The following NCOA2 variants were observed in gnomAD, a reference collection of about 807,000 sequenced individuals.
NCOA2 encodes nuclear receptor coactivator 2, also known as class E basic helix-loop-helix protein 75.
NCOA2 carries 21 observed loss-of-function variants against 145.1 expected under a neutral mutation model. That is an observed-to-expected ratio of 0.14 (90% confidence interval 0.10 to 0.21). The LOEUF (loss-of-function observed/expected upper bound fraction) is 0.21, where lower values mean the gene tolerates loss of function less well. Ranked by LOEUF, NCOA2 falls within the 10% of genes least tolerant of loss-of-function variation. NCOA2 has a pLI of 1.00. For synonymous variants in NCOA2, 619 were observed against 637.5 expected (o/e 0.97, Z 0.44); for missense variants, 1,472 against 1,837.6 (o/e 0.80, Z 3.64).
chr8:70,447,605 G>GTTGATAGTTA, the NCOA2 span, among the ~76,000 whole-genome samples: 1 of 150,246 alleles, frequency 6.7e-6, no homozygotes. Context: ...CTAATCCCTG[G>GTTGATAGTTA]TTGATAGTTA....
chr8:70,266,831 A>G (rs576613943), intron 2 of NCOA2, among the ~76,000 whole-genome samples: 1 of 152,304 alleles, frequency 6.6e-6, no homozygotes, highest in African/African-American at 2.4e-5. Flanking sequence ...TATACTACGC[A>G]TGAATTAAAT....
intron 4 of NCOA2, among the ~76,000 whole-genome samples, chr8:70,184,039 T>C (rs901594801): frequency 4.6e-5 from 7 of 152,120 alleles, no homozygotes; most frequent in African/African-American, 1.4e-4. Flanking sequence ...ATACCTAACA[T>C]AGTGGAGGTT....
intron 4 of NCOA2, among the ~76,000 whole-genome samples, chr8:70,210,895 A>G (rs1002773809): frequency 6.6e-6 from 1 of 152,200 alleles, no homozygotes; most frequent in African/African-American, 2.4e-5. Context: ...TCCCAAATGC[A>G]TTTTATTCAC....
At chr8:70,180,838 C>T (rs1229395318) in intron 4 of NCOA2, among the ~76,000 whole-genome samples, 1 of 152,196 alleles carries the variant, frequency 6.6e-6, no homozygotes, top group East Asian at 1.9e-4. Context: ...TCCTAAGTTG[C>T]TGAGATTATT....
intron 1 of NCOA2, among the ~76,000 whole-genome samples, chr8:70,326,666 T>A (rs998072308): frequency 1.3e-5 from 2 of 152,094 alleles, no homozygotes; most frequent in Non-Finnish European, 2.9e-5. Flanking sequence ...TGATCCAGTG[T>A]TGAAGATTTC....
At chr8:70,434,948 T>C in the NCOA2 span, among the ~76,000 whole-genome samples, 1 of 152,168 alleles carries the variant, frequency 6.6e-6, no homozygotes, top group African/African-American at 2.4e-5. Flanking sequence ...TCATTTTCAT[T>C]GCACTCCTAA....
chr8:70,327,604 G>C (rs1446327562), intron 1 of NCOA2, among the ~76,000 whole-genome samples: 2 of 152,040 alleles, frequency 1.3e-5, no homozygotes, highest in African/African-American at 4.8e-5. Context: ...TAAAGTACAA[G>C]TACAATCTCA....
chr8:70,167,790 A>G (rs1813795621), intron 6 of NCOA2, among the ~76,000 whole-genome samples: 1 of 152,250 alleles, frequency 6.6e-6, no homozygotes, highest in Non-Finnish European at 1.5e-5. Context: ...TTTGAAATGC[A>G]TTAGAGATAA....
Position 70,110,256 on chromosome 8 carries a change from CA to C in NCOA2, c.*3375del, listed in dbSNP as rs1806428790. 5.0e-6 allele frequency: 1 copy of C among 199,234 alleles called. No individual in the cohort carries two copies. Among genetic ancestry groups the C allele is most frequent in the Non-Finnish European group, 1.0e-5 (1 of 96,572 alleles). The allele number at this position is 199,234 out of a possible 1,614,324, so 12.3% of individuals were successfully genotyped here. ...AAGGTTAAGTGATGATGCACTTATT[CA>C]AAAATTGTACACAATTCACTATACA... On this transcript the variant is annotated 3_prime_UTR_variant, in exon 23 of 23. Coordinates refer to ENST00000452400, the MANE Select transcript of NCOA2 (RefSeq NM_006540.4).
chr8:70,156,601 T>C lies in NCOA2; in HGVS notation c.1764A>G (p.Leu588=), dbSNP rs773399591. 32 of 1,613,872 alleles carry C rather than the reference T, an allele frequency of 2.0e-5. No homozygotes were observed. The highest frequency in any genetic ancestry group is 2.7e-5 in the Non-Finnish European group (32 of 1,179,898). Residue 588 remains leucine (L), a synonymous_variant, in exon 11 of 23, where the codon CTA becomes CTG. Transcript: ENST00000452400. ...TTGTACCTTCAGAGGGCTCCCCATA[T>C]AGTCCAAAACAGTCTTTTGAGTCCA... The part of the protein sequence containing the change: ...GSLDSKDCFG[L]YGEPSEGTTG...
intron 2 of NCOA2, among the ~76,000 whole-genome samples, chr8:70,225,945 A>G (rs1251661977): frequency 6.6e-6 from 1 of 152,170 alleles, no homozygotes; most frequent in Non-Finnish European, 1.5e-5. Flanking sequence ...GCTTGCTGAG[A>G]GCATGAAATG....
At chr8:70,436,942 T>C in the NCOA2 span, among the ~76,000 whole-genome samples, 1 of 152,212 alleles carries the variant, frequency 6.6e-6, no homozygotes, top group Non-Finnish European at 1.5e-5. Flanking sequence ...AACGGCCATA[T>C]AGGATTTCAA....
At position 70,306,633 on chromosome 8, in the gene NCOA2, A is replaced by G. The variant is rs145672698; in HGVS notation, c.-76-9833T>C. 6.5e-3 allele frequency among the ~76,000 whole-genome samples: 995 copies of G among 152,256 alleles called. 10 individuals carry two copies. Among genetic ancestry groups the G allele is most frequent in the African/African-American group, 0.023 (944 of 41,546 alleles). ...AGTGGCTTATGTCTGTAATCCCAGC[A>G]CTTCGGGAGGCTGAGGTGGGAGGAT... is the stretch of plus-strand genomic sequence containing the variant. On this transcript the variant is annotated intron_variant, in intron 1 of 22. Coordinates refer to ENST00000452400, the MANE Select transcript of NCOA2 (RefSeq NM_006540.4).
At chr8:70,384,692 T>C (rs1478333243) in intron 1 of NCOA2, among the ~76,000 whole-genome samples, 2 of 152,112 alleles carry the variant, frequency 1.3e-5, no homozygotes, top group African/African-American at 2.4e-5. Context: ...AACCCCCAAA[T>C]TTTTTCCAAA....
chr8:70,365,942 T>C (rs1050584029), intron 1 of NCOA2, among the ~76,000 whole-genome samples: 2 of 152,280 alleles, frequency 1.3e-5, no homozygotes, highest in Admixed American at 6.5e-5. Context: ...CACCTTCATT[T>C]TAATGACAGA....
Position 70,156,403 on chromosome 8 carries a change from G to C in NCOA2, c.1962C>G (p.Pro654=). The C allele has an allele frequency of 1.9e-6, 3 of 1,613,980 alleles. No individual in the cohort carries two copies. The highest frequency in any genetic ancestry group is 1.7e-6 in the Non-Finnish European group (2 of 1,179,884). Reference sequence around the variant, plus strand: ...CCGACAAAGAGCTGGCTAAGGGCGAGGGCTCCATCTGATCAGATTTGGTGG... The same window carrying C: ...CCGACAAAGAGCTGGCTAAGGGCGACGGCTCCATCTGATCAGATTTGGTGG... ...LLTTKSDQME[P]SPLASSLSDT... Residue 654 remains proline, a synonymous_variant, in exon 11 of 23, where the codon CCC becomes CCG. Transcript: ENST00000452400.
At chr8:70,302,623 G>C (rs943418079) in intron 1 of NCOA2, among the ~76,000 whole-genome samples, 5 of 151,990 alleles carry the variant, frequency 3.3e-5, no homozygotes, top group African/African-American at 1.2e-4. Context: ...TGCCTATTAA[G>C]GTATACAAAT....
At chr8:70,312,210 A>C (rs1433215231) in intron 1 of NCOA2, among the ~76,000 whole-genome samples, 2 of 152,212 alleles carry the variant, frequency 1.3e-5, no homozygotes, top group Non-Finnish European at 2.9e-5. Context: ...AATGGTGTTT[A>C]TTTTTAAATG....
chr8:70,374,545 G>A (rs1586628442), intron 1 of NCOA2, among the ~76,000 whole-genome samples: 1 of 151,988 alleles, frequency 6.6e-6, no homozygotes, highest in East Asian at 1.9e-4. Context: ...GCTCACACCT[G>A]TTATCCCAAC....
Sources: gnomAD v4.1 joint callset for allele counts (sites outside exome capture counted in the v4.1 genomes callset) on GRCh38, gnomAD v4.1.1 for gene constraint, MANE v1.5 for transcripts, NCBI Gene and HGNC (gene_info 2026-07-23, HGNC 2026-07-21) for gene names.